ARMH3: variants seen among roughly 807,000 people sequenced by gnomAD.
The protein encoded by ARMH3 is armadillo-like helical domain-containing protein 3.
A neutral mutation model predicts 99.1 loss-of-function variants in ARMH3; 60 were observed. The observed-to-expected ratio is 0.61, with a 90% CI of 0.49 to 0.75. The LOEUF (loss-of-function observed/expected upper bound fraction) is 0.75. Among genes scored for constraint, ARMH3 ranks in the 30% least tolerant of loss-of-function variants. The pLI, the probability that ARMH3 is intolerant of heterozygous loss-of-function variation, is 0.00. For missense variants in ARMH3, 679 were observed against 843.1 expected, an observed-to-expected ratio of 0.81 and a Z score of 2.41; for synonymous variants, 285 against 292.8, an observed-to-expected ratio of 0.97 and a Z score of 0.27.
At chr10:101,850,405 C>T (rs1330746008) in intron 24 of ARMH3, among the ~76,000 whole-genome samples, 3 of 147,886 alleles carry the variant, frequency 2.0e-5, no homozygotes, top group African/African-American at 7.5e-5. Context: ...GGCCAACTTT[C>T]TAATCTCTCT....
intron 14 of ARMH3, among the ~76,000 whole-genome samples, chr10:102,003,724 C>T (rs2066420631): frequency 1.3e-5 from 2 of 152,144 alleles, no homozygotes; most frequent in African/African-American, 2.4e-5. Context: ...ATGCAGAGAA[C>T]ATTTATGAAC....
chr10:101,965,688 A>G (rs1325286120), intron 20 of ARMH3, among the ~76,000 whole-genome samples: 1 of 152,244 alleles, frequency 6.6e-6, no homozygotes, highest in Non-Finnish European at 1.5e-5. Context: ...TATATTACAC[A>G]TTAAATACGT....
chr10:101,899,217 G>A (rs2067915791), intron 23 of ARMH3, among the ~76,000 whole-genome samples: 1 of 151,940 alleles, frequency 6.6e-6, no homozygotes, highest in Non-Finnish European at 1.5e-5. Context: ...TTTCCCCCAA[G>A]GCAGCTTCCC....
intron 23 of ARMH3, among the ~76,000 whole-genome samples, chr10:101,913,618 G>A (rs577314543): frequency 1.2e-4 from 19 of 152,042 alleles, no homozygotes; most frequent in African/African-American, 4.3e-4. Flanking sequence ...TTCCTGCCTC[G>A]GCCTCCCAAA....
chr10:101,925,854 T>C (rs1315517588), intron 23 of ARMH3, among the ~76,000 whole-genome samples: 1 of 152,156 alleles, frequency 6.6e-6, no homozygotes, highest in African/African-American at 2.4e-5. Flanking sequence ...GAGGTTGCAG[T>C]GAGCCGAGAT....
At chr10:101,973,821 C>A (rs1465237185) in intron 20 of ARMH3, among the ~76,000 whole-genome samples, 2 of 152,182 alleles carry the variant, frequency 1.3e-5, no homozygotes, top group East Asian at 3.8e-4. Flanking sequence ...TGTGTAATTT[C>A]ATTCAAGTTA....
intron 20 of ARMH3, among the ~76,000 whole-genome samples, chr10:101,960,404 T>C (rs1027823338): frequency 1.3e-5 from 2 of 152,172 alleles, no homozygotes; most frequent in Admixed American, 6.5e-5. Context: ...TGATGGGAGT[T>C]TTAAGTCTGT....
At chr10:101,909,773 G>A (rs1044188708) in intron 23 of ARMH3, among the ~76,000 whole-genome samples, 1 of 151,718 alleles carries the variant, frequency 6.6e-6, no homozygotes, top group African/African-American at 2.4e-5. Context: ...CATTTTTCAT[G>A]ACACAATTAT....
intron 23 of ARMH3, among the ~76,000 whole-genome samples, chr10:101,935,835 T>C (rs879571239): frequency 1.3e-5 from 2 of 152,204 alleles, no homozygotes; most frequent in Non-Finnish European, 2.9e-5. Context: ...CATCAGAATT[T>C]TACTACTAAG....
intron 23 of ARMH3, among the ~76,000 whole-genome samples, chr10:101,904,320 G>C (rs2068050514): frequency 6.6e-6 from 1 of 152,156 alleles, no homozygotes; most frequent in Non-Finnish European, 1.5e-5. Flanking sequence ...AGTGGCATGT[G>C]AAACAGCCCC....
chr10:101,949,004 A>C (rs574982728), intron 22 of ARMH3, among the ~76,000 whole-genome samples: 4 of 152,212 alleles, frequency 2.6e-5, no homozygotes, highest in Non-Finnish European at 2.9e-5. Flanking sequence ...CAAAAGTCAA[A>C]GAAGAAATTC....
intron 1 of ARMH3, among the ~76,000 whole-genome samples, chr10:102,042,142 T>A (rs2067438850): frequency 6.6e-6 from 1 of 152,252 alleles, no homozygotes; most frequent in African/African-American, 2.4e-5. Context: ...ACATGTCTTT[T>A]AAACATGTTG....
chr10:102,047,240 TTTAA>T (rs1430589214), intron 1 of ARMH3, among the ~76,000 whole-genome samples: 10 of 152,266 alleles, frequency 6.6e-5, no homozygotes, highest in African/African-American at 2.4e-4. Flanking sequence ...TTTTCACTAT[TTTAA>T]TTGAGTATAG....
chr10:101,962,974 T>C (rs909960768), intron 20 of ARMH3, among the ~76,000 whole-genome samples: 2 of 149,132 alleles, frequency 1.3e-5, no homozygotes, highest in African/African-American at 4.9e-5. Context: ...TTTTTTCTTT[T>C]TTTTTTTTTT....
At chr10:102,031,137 T>C (rs938570567) in intron 4 of ARMH3, among the ~76,000 whole-genome samples, 14 of 152,348 alleles carry the variant, frequency 9.2e-5, no homozygotes, top group African/African-American at 3.4e-4. Flanking sequence ...CCTTATATAA[T>C]AGCCAACTGC....
At chr10:101,950,519 A>G (rs969816452) in intron 22 of ARMH3, among the ~76,000 whole-genome samples, 6 of 152,258 alleles carry the variant, frequency 3.9e-5, no homozygotes, top group African/African-American at 7.2e-5. Flanking sequence ...AGGATAATTC[A>G]TAACAGCAAA....
chr10:101,872,866 G>C lies in ARMH3; in HGVS notation c.1860+16546C>G, dbSNP rs1017389074. Among the ~76,000 whole-genome samples, 4 of 151,738 alleles carry C rather than the reference G, an allele frequency of 2.6e-5. No individual in the cohort carries two copies. The East Asian group carries it at 7.7e-4, about 29-fold the overall frequency. ...CCAGCTACTCGGGAGGCTGAGACAGGAGAATTGCTTGAACCCAGGAGGTGA... is the reference window on the plus strand; with the variant it reads ...CCAGCTACTCGGGAGGCTGAGACAGCAGAATTGCTTGAACCCAGGAGGTGA... On this transcript the variant is annotated intron_variant, in intron 24 of 25. Coordinates refer to ENST00000370033, the MANE Select transcript of ARMH3 (RefSeq NM_024541.3).
intron 8 of ARMH3, among the ~76,000 whole-genome samples, chr10:102,022,622 C>T (rs2066911374): frequency 6.7e-6 from 1 of 148,238 alleles, no homozygotes. Context: ...ACTCTGTCGC[C>T]CAGGCTGGAG....
At chr10:101,988,672 C>T (rs1846623694) in intron 19 of ARMH3, among the ~76,000 whole-genome samples, 1 of 152,170 alleles carries the variant, frequency 6.6e-6, no homozygotes, top group South Asian at 2.1e-4. Context: ...CCTGTAATCC[C>T]AGCACTTTGG....
Sources: allele counts gnomAD v4.1 joint callset (sites outside exome capture counted in the v4.1 genomes callset), GRCh38; gene constraint gnomAD v4.1.1; transcripts MANE v1.5; gene names NCBI Gene and HGNC (gene_info 2026-07-23, HGNC 2026-07-21).